The following ERLEC1 variants were observed in gnomAD, a reference collection of about 807,000 sequenced individuals.
The protein encoded by ERLEC1 is endoplasmic reticulum lectin 1.
ERLEC1 carries 47 observed loss-of-function variants against 68.0 expected under a neutral mutation model. That is an observed-to-expected ratio of 0.69 (90% CI 0.55 to 0.88). The LOEUF is 0.88. Ranked by LOEUF, ERLEC1 falls within the 40% of genes least tolerant of loss-of-function variation. The probability of loss-of-function intolerance (pLI) is 0.00; values close to 1 mark genes in which losing one functional copy is unlikely to be tolerated. For synonymous variants in ERLEC1, 225 were observed against 203.2 expected (o/e 1.11, Z -0.91); for missense variants, 567 against 583.8 (o/e 0.97, Z 0.30).
chr2:53,809,604 G>T (rs1260076637), intron 10 of ERLEC1, among the ~76,000 whole-genome samples: 1 of 152,096 alleles, frequency 6.6e-6, no homozygotes, highest in Non-Finnish European at 1.5e-5. Flanking sequence ...AAATGAATTA[G>T]CCGGGAGTGG....
chr2:53,798,989 C>T (rs1675864789), intron 5 of ERLEC1, 58 bp from the exon 6 acceptor site: 5 of 1,483,492 alleles, frequency 3.4e-6, no homozygotes, highest in Non-Finnish European at 3.7e-6. Flanking sequence ...TGAAAACTTA[C>T]TCATTTGTAC....
At chr2:53,805,668 G>A (rs1676259213) in intron 8 of ERLEC1, among the ~76,000 whole-genome samples, 1 of 152,238 alleles carries the variant, frequency 6.6e-6, no homozygotes, top group South Asian at 2.1e-4. Flanking sequence ...AGACCCAGCA[G>A]TGGGATTGCT....
intron 10 of ERLEC1, among the ~76,000 whole-genome samples, chr2:53,811,218 A>G (rs1345275900): frequency 1.3e-5 from 2 of 152,188 alleles, no homozygotes; most frequent in African/African-American, 4.8e-5. Context: ...AGTGTATTTA[A>G]CCAGACCAGA....
chr2:53,803,042 C>T (rs1297655267), intron 8 of ERLEC1, among the ~76,000 whole-genome samples: 1 of 152,132 alleles, frequency 6.6e-6, no homozygotes, highest in African/African-American at 2.4e-5. Flanking sequence ...GTGGATTAAC[C>T]CAGGAAGAGA....
chr2:53,803,849 G>A (rs1676133292), intron 8 of ERLEC1, among the ~76,000 whole-genome samples: 1 of 151,756 alleles, frequency 6.6e-6, no homozygotes, highest in African/African-American at 2.4e-5. Flanking sequence ...TTTAGCATAG[G>A]CCAGGCACAT....
intron 8 of ERLEC1, among the ~76,000 whole-genome samples, chr2:53,802,972 A>G (rs1035446165): frequency 6.6e-6 from 1 of 152,034 alleles, no homozygotes; most frequent in East Asian, 1.9e-4. Flanking sequence ...ATGAACTTCT[A>G]CTTAGGCTTG....
chr2:53,787,882 T>C (rs1296192751), intron 1 of ERLEC1, among the ~76,000 whole-genome samples: 1 of 152,226 alleles, frequency 6.6e-6, no homozygotes, highest in East Asian at 1.9e-4. Flanking sequence ...TTTCCTTTCC[T>C]AGTTGTTTCT....
At chr2:53,787,427 G>A (rs1193951252) in intron 1 of ERLEC1, 55 bp downstream of exon 1, 10 of 1,537,878 alleles carry the variant, frequency 6.5e-6, no homozygotes, top group Non-Finnish European at 8.8e-6. Flanking sequence ...TAAGGGTTCG[G>A]CCTCTTCCCT....
At chr2:53,787,467 C>T in intron 1 of ERLEC1, 95 bp downstream of exon 1, 1 of 1,431,180 alleles carries the variant, frequency 7.0e-7, no homozygotes, top group South Asian at 1.3e-5. Flanking sequence ...TCCCCAAGAC[C>T]TTCTCTGCAG....
intron 8 of ERLEC1, among the ~76,000 whole-genome samples, chr2:53,804,718 C>T (rs1012498922): frequency 6.6e-6 from 1 of 152,056 alleles, no homozygotes; most frequent in African/African-American, 2.4e-5. Flanking sequence ...CTATAGTCAC[C>T]CTGTTGTTCT....
intron 1 of ERLEC1, among the ~76,000 whole-genome samples, chr2:53,793,457 G>A (rs1275787043): frequency 4.6e-5 from 7 of 152,076 alleles, no homozygotes; most frequent in Non-Finnish European, 4.4e-5. Flanking sequence ...TTTACATATT[G>A]TGTACTTTTG....
At chr2:53,801,898 C>G in intron 8 of ERLEC1, 56 bp downstream of exon 8, 1 of 1,409,576 alleles carries the variant, frequency 7.1e-7, no homozygotes, top group Non-Finnish European at 9.9e-7. Flanking sequence ...AATTTCAGAG[C>G]ATATGTCAAT....
chr2:53,794,381 G>C lies in ERLEC1; in HGVS notation c.199G>C (p.Val67Leu), dbSNP rs762038070. The stretch of plus-strand genomic sequence containing the variant: ...AGTTTTATATAAAGAAGATAATTAT[G>C]TCATCATGACAACTGCACATAAAGA... ...TGVLYKEDNY[V>L]IMTTAHKEKY... Residue 67 changes from valine (V) to leucine (L), a missense_variant, in exon 2 of 14, where the codon GTC becomes CTC. Val to Leu is a conservative substitution (Grantham distance 32). Coordinates refer to ENST00000185150, the MANE Select transcript of ERLEC1 (RefSeq NM_015701.5). 1 of 1,581,508 alleles carries C rather than the reference G, an allele frequency of 6.3e-7. No individual in the cohort carries two copies.
At chr2:53,812,238 C>T (rs967191565) in intron 10 of ERLEC1, among the ~76,000 whole-genome samples, 3 of 152,016 alleles carry the variant, frequency 2.0e-5, no homozygotes, top group African/African-American at 7.3e-5. Context: ...TTCTACTAAC[C>T]AGATATCTAT....
At chr2:53,809,809 A>C (rs1294710477) in intron 10 of ERLEC1, among the ~76,000 whole-genome samples, 1 of 152,198 alleles carries the variant, frequency 6.6e-6, no homozygotes, top group Non-Finnish European at 1.5e-5. Flanking sequence ...TATTCCCAGC[A>C]CTTTGGGAGG....
chr2:53,804,002 A>G (rs1395719065), intron 8 of ERLEC1, among the ~76,000 whole-genome samples: 1 of 152,080 alleles, frequency 6.6e-6, no homozygotes. Flanking sequence ...ACGGTGATAC[A>G]CACCTGCAGT....
Position 53,787,636 on chromosome 2 carries a change from A to G in ERLEC1, c.162+264A>G, listed in dbSNP as rs1675128513. 1.6e-5 allele frequency: 6 copies of G among 378,840 alleles called. No homozygotes were observed. The Admixed American group carries it at 2.6e-4, about 17-fold the overall frequency. The allele number at this position is 378,840 out of a possible 1,614,324, so 23.5% of individuals were successfully genotyped here. ...CTGTCGCACTAGACCTTGCTTCCCAACATTCCCACCCTGCAGAAGCAGCTT... is the reference window on the plus strand; with the variant it reads ...CTGTCGCACTAGACCTTGCTTCCCAGCATTCCCACCCTGCAGAAGCAGCTT... On this transcript the variant is annotated intron_variant, in intron 1 of 13. Transcript: ENST00000185150.
At chr2:53,797,183 G>C (rs970819890) in intron 3 of ERLEC1, among the ~76,000 whole-genome samples, 3 of 152,104 alleles carry the variant, frequency 2.0e-5, no homozygotes, top group South Asian at 2.1e-4. Context: ...GCGTAAGCCA[G>C]TACACCCGGC....
intron 1 of ERLEC1, among the ~76,000 whole-genome samples, chr2:53,791,639 G>GA (rs2104275470): frequency 6.6e-6 from 1 of 152,258 alleles, no homozygotes; most frequent in East Asian, 1.9e-4. Flanking sequence ...ATTTTATTGG[G>GA]AAAGCAGCCT....
Sources: allele counts gnomAD v4.1 joint callset (sites outside exome capture counted in the v4.1 genomes callset), GRCh38; gene constraint gnomAD v4.1.1; transcripts MANE v1.5; gene names NCBI Gene and HGNC (gene_info 2026-07-23, HGNC 2026-07-21).